Variants in SSBP3 observed in about 807,000 individuals in gnomAD.
SSBP3 encodes single-stranded DNA-binding protein 3.
Under a neutral mutation model 69.6 loss-of-function variants are expected in SSBP3, and 5 were observed. That is an observed-to-expected ratio of 0.07 (90% CI 0.04 to 0.15). The LOEUF is 0.15. SSBP3 is among the 10% of genes least tolerant of loss of function. SSBP3 has a pLI of 1.00. For missense variants in SSBP3, 312 were observed against 534.0 expected (o/e 0.58, Z 4.10); for synonymous variants, 196 against 193.4 (o/e 1.01, Z -0.11).
At chr1:54,381,824 G>A (rs1033991454) in intron 4 of SSBP3, among the ~76,000 whole-genome samples, 11 of 152,242 alleles carry the variant, frequency 7.2e-5, no homozygotes, top group African/African-American at 2.7e-4. Flanking sequence ...TCCCCTGAGG[G>A]GATGCTGGGA....
chr1:54,277,285 C>T (rs1242896577), intron 5 of SSBP3, among the ~76,000 whole-genome samples: 2 of 152,038 alleles, frequency 1.3e-5, no homozygotes, highest in East Asian at 1.9e-4. Flanking sequence ...GTGTTCTCAG[C>T]AGCCACCACA....
At chr1:54,323,379 C>A (rs1646248251) in intron 4 of SSBP3, among the ~76,000 whole-genome samples, 1 of 152,238 alleles carries the variant, frequency 6.6e-6, no homozygotes, top group African/African-American at 2.4e-5. Flanking sequence ...AATCCCAAGA[C>A]CCCTCCAGCA....
chr1:54,384,520 G>A (rs1016586974), intron 4 of SSBP3, among the ~76,000 whole-genome samples: 4 of 152,254 alleles, frequency 2.6e-5, no homozygotes, highest in African/African-American at 9.6e-5. Context: ...TCTGCCCCCA[G>A]AGGCTCAAAG....
In SSBP3 at chr1:54,304,765, GAACA is replaced by G. The variant is rs1322672018; in HGVS notation, c.277-23242_277-23239del. ...GGTTGAGTTTGTGGATGCTGTCAGA[GAACA>G]GACAGGTGCCTCACCAGTGGAAACA... On this transcript the variant is annotated intron_variant, in intron 4 of 17. Transcript: ENST00000610401. Among the ~76,000 whole-genome samples the G allele has an allele frequency of 4.6e-5, 7 of 152,336 alleles. No homozygotes were observed. In the East Asian group the frequency reaches 1.3e-3, roughly 29 times the overall value.
intron 5 of SSBP3, among the ~76,000 whole-genome samples, chr1:54,265,800 G>A (rs762257086): frequency 6.6e-6 from 1 of 152,348 alleles, no homozygotes; most frequent in East Asian, 1.9e-4. Flanking sequence ...ATTTCCGTGT[G>A]AGCAAAGGCC....
At chr1:54,249,575 G>A (rs1036772214) in intron 9 of SSBP3, among the ~76,000 whole-genome samples, 1 of 151,998 alleles carries the variant, frequency 6.6e-6, no homozygotes, top group Non-Finnish European at 1.5e-5. Context: ...GGAGCCTGTA[G>A]TCCCAGCTAC....
intron 4 of SSBP3, among the ~76,000 whole-genome samples, chr1:54,300,852 G>A (rs1033930653): frequency 6.6e-6 from 1 of 152,098 alleles, no homozygotes; most frequent in Non-Finnish European, 1.5e-5. Context: ...AGAGAGAAGG[G>A]CAAAGCAAAA....
chr1:54,281,628 C>T (rs1354332362), intron 4 of SSBP3, 101 bp from the exon 5 acceptor site: 27 of 1,092,262 alleles, frequency 2.5e-5, no homozygotes, highest in South Asian at 4.0e-5. Flanking sequence ...CCACATTCCC[C>T]GTGGACCTTC....
chr1:54,365,256 C>A lies in SSBP3; in HGVS notation c.276+36605G>T, dbSNP rs531544703. Among the ~76,000 whole-genome samples the A allele has an allele frequency of 5.3e-5, 8 of 152,308 alleles. No individual in the cohort carries two copies. The South Asian group carries it at 1.7e-3, about 32-fold the overall frequency. On this transcript the variant is annotated intron_variant, in intron 4 of 17. Transcript: ENST00000610401. ...GCAATCTAAGAGCGAGGGCATCACACACAATGTCGAAAGGCCCTTGGCAGC... is the reference window on the plus strand; with the variant it reads ...GCAATCTAAGAGCGAGGGCATCACAAACAATGTCGAAAGGCCCTTGGCAGC...
At chr1:54,254,856 G>C (rs375920807) in intron 7 of SSBP3, among the ~76,000 whole-genome samples, 1 of 151,558 alleles carries the variant, frequency 6.6e-6, no homozygotes, top group Admixed American at 6.6e-5. Context: ...TTTTTGAGGC[G>C]GAGTCTCGCT....
chr1:54,409,470 T>G (rs549406444), upstream of SSBP3, among the ~76,000 whole-genome samples: 1 of 151,914 alleles, frequency 6.6e-6, no homozygotes, highest in East Asian at 1.9e-4. Context: ...CTGTGTATGT[T>G]AACACTCAGT....
At chr1:54,368,736 T>G (rs1470332229) in intron 4 of SSBP3, among the ~76,000 whole-genome samples, 1 of 152,176 alleles carries the variant, frequency 6.6e-6, no homozygotes, top group Non-Finnish European at 1.5e-5. Flanking sequence ...GACCCTTTAT[T>G]GAAATGTGCC....
chr1:54,330,474 G>C (rs1234430048), intron 4 of SSBP3, among the ~76,000 whole-genome samples: 2 of 152,200 alleles, frequency 1.3e-5, no homozygotes, highest in African/African-American at 4.8e-5. Context: ...CTGGCATTGA[G>C]TGTAAAATTC....
intron 4 of SSBP3, among the ~76,000 whole-genome samples, chr1:54,381,982 T>C (rs1647690659): frequency 6.6e-6 from 1 of 152,162 alleles, no homozygotes; most frequent in Non-Finnish European, 1.5e-5. Flanking sequence ...TCATCTGAAG[T>C]CAGGAGTTCG....
chr1:54,365,357 T>C (rs146945124), intron 4 of SSBP3, among the ~76,000 whole-genome samples: 95 of 152,212 alleles, frequency 6.2e-4, no homozygotes, highest in Non-Finnish European at 1.2e-3. Context: ...TGCGTGTGTG[T>C]GTGTGTGTTG....
chr1:54,292,084 C>G (rs773687564), intron 4 of SSBP3, among the ~76,000 whole-genome samples: 1 of 152,136 alleles, frequency 6.6e-6, no homozygotes, highest in Non-Finnish European at 1.5e-5. Flanking sequence ...TCTAGGAAGC[C>G]AAGGACAGAC....
chr1:54,332,338 G>A (rs748799578), intron 4 of SSBP3, among the ~76,000 whole-genome samples: 19 of 152,220 alleles, frequency 1.2e-4, no homozygotes, highest in Non-Finnish European at 2.4e-4. Context: ...GAGATGCAAG[G>A]AAACTAAAAG....
chr1:54,299,920 C>T (rs189620108), intron 4 of SSBP3, among the ~76,000 whole-genome samples: 172 of 152,294 alleles, frequency 1.1e-3, no homozygotes, highest in African/African-American at 4.0e-3. Context: ...GCTCCACCGA[C>T]ATAATTCCTC....
intron 7 of SSBP3, among the ~76,000 whole-genome samples, chr1:54,252,601 G>A (rs1644849143): frequency 6.6e-6 from 1 of 152,186 alleles, no homozygotes; most frequent in African/African-American, 2.4e-5. Context: ...CTCCAGAGCT[G>A]GGGCCATCGG....
Sources: gnomAD v4.1 joint callset for allele counts (sites outside exome capture counted in the v4.1 genomes callset) on GRCh38, gnomAD v4.1.1 for gene constraint, MANE v1.5 for transcripts, NCBI Gene and HGNC (gene_info 2026-07-23, HGNC 2026-07-21) for gene names.